CACHD1: variants seen among roughly 807,000 people sequenced by gnomAD.
CACHD1 encodes the protein VWFA and cache domain-containing protein 1.
In CACHD1, 71 loss-of-function variants were observed where a neutral mutation model predicts 138.7. The ratio of observed to expected loss-of-function variants is 0.51; its 90% CI spans 0.42 to 0.62. The LOEUF (loss-of-function observed/expected upper bound fraction) is 0.62, where lower values mean the gene tolerates loss of function less well. Ranked by LOEUF, CACHD1 falls within the 20% of genes least tolerant of loss-of-function variation. The pLI, the probability that CACHD1 is intolerant of heterozygous loss-of-function variation, is 0.00. For synonymous variants in CACHD1, 578 were observed against 591.5 expected, an observed-to-expected ratio of 0.98 and a Z score of 0.33; for missense variants, 1,389 against 1,625.3, an observed-to-expected ratio of 0.85 and a Z score of 2.50.
intron 3 of CACHD1, among the ~76,000 whole-genome samples, chr1:64,587,691 C>A (rs1274510483): frequency 6.6e-6 from 1 of 152,150 alleles, no homozygotes; most frequent in Non-Finnish European, 1.5e-5. Context: ...TCACTTAAAA[C>A]AACATAGTTT....
intron 2 of CACHD1, among the ~76,000 whole-genome samples, chr1:64,557,201 C>T (rs6681744): frequency 6.6e-6 from 1 of 151,604 alleles, no homozygotes; most frequent in African/African-American, 2.4e-5. Flanking sequence ...AAATAAATTT[C>T]TGAGCAAATG....
chr1:64,674,028 G>A (rs1649903889), intron 19 of CACHD1, among the ~76,000 whole-genome samples: 1 of 152,084 alleles, frequency 6.6e-6, no homozygotes, highest in Admixed American at 6.6e-5. Flanking sequence ...ATCCTAGTTG[G>A]GAGAAAGCTA....
At chr1:64,649,520 T>C (rs937521988) in intron 9 of CACHD1, among the ~76,000 whole-genome samples, 1 of 152,170 alleles carries the variant, frequency 6.6e-6, no homozygotes, top group Non-Finnish European at 1.5e-5. Flanking sequence ...AGCCAAGCAT[T>C]GTGCCAGGCA....
intron 2 of CACHD1, among the ~76,000 whole-genome samples, chr1:64,567,434 G>T (rs1561171): frequency 0.6 from 90,623 of 151,874 alleles, 30,070 homozygotes; most frequent in Non-Finnish European, 0.72. Flanking sequence ...TTGCATTTTG[G>T]AAAAGATTTT....
chr1:64,504,912 C>T (rs1175531396), intron 1 of CACHD1, among the ~76,000 whole-genome samples: 1 of 152,136 alleles, frequency 6.6e-6, no homozygotes, highest in Non-Finnish European at 1.5e-5. Context: ...ACACCAGGAG[C>T]ACACAGTGGC....
chr1:64,624,855 G>T (rs1648041072), intron 4 of CACHD1, among the ~76,000 whole-genome samples: 1 of 152,202 alleles, frequency 6.6e-6, no homozygotes, highest in Non-Finnish European at 1.5e-5. Flanking sequence ...AAAAGTCTAA[G>T]GCTTTGGAAA....
At chr1:64,639,011 G>C (rs1344914603) in intron 7 of CACHD1, among the ~76,000 whole-genome samples, 1 of 152,202 alleles carries the variant, frequency 6.6e-6, no homozygotes, top group East Asian at 1.9e-4. Flanking sequence ...GGCTACCAAA[G>C]CAGCTCAAGG....
At chr1:64,612,411 G>A (rs1476863694) in intron 4 of CACHD1, among the ~76,000 whole-genome samples, 1 of 152,020 alleles carries the variant, frequency 6.6e-6, no homozygotes, top group Non-Finnish European at 1.5e-5. Flanking sequence ...TCACTGTATA[G>A]GTGCTTATAT....
chr1:64,477,584 GATT>G (rs10701038), intron 1 of CACHD1, among the ~76,000 whole-genome samples: 63,629 of 135,768 alleles, frequency 0.47, 15,347 homozygotes, highest in Non-Finnish European at 0.52. Flanking sequence ...CTTCCCCCCA[GATT>G]ATTATTATTA....
chr1:64,545,632 G>A (rs1345249970), intron 1 of CACHD1, among the ~76,000 whole-genome samples: 1 of 152,194 alleles, frequency 6.6e-6, no homozygotes, highest in Non-Finnish European at 1.5e-5. Flanking sequence ...TTCTAGGTAG[G>A]TGCTACTACG....
chr1:64,649,162 CT>C (rs1405132169), intron 9 of CACHD1, among the ~76,000 whole-genome samples: 4 of 152,124 alleles, frequency 2.6e-5, no homozygotes, highest in African/African-American at 9.7e-5. Flanking sequence ...TAGACATTCT[CT>C]TTCTATAAGG....
rs1369783678 is a variant in CACHD1 at position 64,691,788 on chromosome 1, A to T, written c.*227A>T. 1 of 555,802 alleles carries T rather than the reference A, an allele frequency of 1.8e-6. No homozygotes were observed. Among genetic ancestry groups the T allele is most frequent in the Non-Finnish European group, 3.2e-6 (1 of 309,348 alleles). The allele number at this position is 555,802 out of a possible 1,614,324, so 34.4% of individuals were successfully genotyped here. A position where few individuals can be genotyped will look rare whatever the true frequency, so the allele number is the denominator to read the frequency against. On this transcript the variant is annotated 3_prime_UTR_variant, in exon 27 of 27. Coordinates refer to ENST00000651257, the MANE Select transcript of CACHD1 (RefSeq NM_020925.4). Reference sequence around the variant, plus strand: ...CTGGTTCTGAAATGGAGGGGAAATAAGCCTGATGAACAGACCTGCCATAAC... The same window carrying T: ...CTGGTTCTGAAATGGAGGGGAAATATGCCTGATGAACAGACCTGCCATAAC...
At chr1:64,596,889 A>G (rs1169807507) in intron 3 of CACHD1, among the ~76,000 whole-genome samples, 2 of 152,150 alleles carry the variant, frequency 1.3e-5, no homozygotes, top group African/African-American at 2.4e-5. Context: ...TCCATGAACA[A>G]TTCCACATTT....
intron 4 of CACHD1, among the ~76,000 whole-genome samples, chr1:64,623,588 C>G (rs1405915610): frequency 6.6e-6 from 1 of 152,126 alleles, no homozygotes; most frequent in African/African-American, 2.4e-5. Context: ...AGGTATAGAT[C>G]TTGCCCTCGA....
At chr1:64,574,006 G>A (rs1473576879) in intron 2 of CACHD1, among the ~76,000 whole-genome samples, 4 of 152,192 alleles carry the variant, frequency 2.6e-5, no homozygotes, top group African/African-American at 9.7e-5. Flanking sequence ...AAAGTGAGTG[G>A]AACAAATGGT....
chr1:64,615,093 C>T (rs1377644658), intron 4 of CACHD1, among the ~76,000 whole-genome samples: 1 of 152,214 alleles, frequency 6.6e-6, no homozygotes, highest in African/African-American at 2.4e-5. Context: ...CCACCTCCAT[C>T]ACCGCTCCGT....
chr1:64,543,235 T>C (rs1646690899), intron 1 of CACHD1, among the ~76,000 whole-genome samples: 1 of 151,324 alleles, frequency 6.6e-6, no homozygotes, highest in Non-Finnish European at 1.5e-5. Flanking sequence ...ACCACCTGTA[T>C]CCAAAATGAA....
intron 1 of CACHD1, among the ~76,000 whole-genome samples, chr1:64,532,880 T>C (rs1646599556): frequency 6.6e-6 from 1 of 152,138 alleles, no homozygotes; most frequent in Admixed American, 6.6e-5. Context: ...AGGAGTAAAG[T>C]AGTGGTACTA....
chr1:64,593,493 G>A (rs1409026045), intron 3 of CACHD1, among the ~76,000 whole-genome samples: 1 of 152,076 alleles, frequency 6.6e-6, no homozygotes. Context: ...TGTTATCTCT[G>A]TGTCACAAGG....
Sources: gnomAD v4.1 joint callset for allele counts (sites outside exome capture counted in the v4.1 genomes callset) on GRCh38, gnomAD v4.1.1 for gene constraint, MANE v1.5 for transcripts, NCBI Gene and HGNC (gene_info 2026-07-23, HGNC 2026-07-21) for gene names.